Variants in PCDHA10 observed in about 807,000 individuals in gnomAD.
The protein encoded by PCDHA10 is protocadherin alpha 10, also known as protocadherin alpha-10.
In PCDHA10, 45 loss-of-function variants were observed where a neutral mutation model predicts 61.2. The observed-to-expected ratio is 0.74, with a 90% CI of 0.58 to 0.94. The LOEUF is 0.94. Ranked by LOEUF, PCDHA10 falls within the 40% of genes least tolerant of loss-of-function variation. PCDHA10 has a pLI of 0.00. For synonymous variants in PCDHA10, 602 were observed against 548.8 expected, an observed-to-expected ratio of 1.10 and a Z score of -1.35; for missense variants, 1,278 against 1,236.2, an observed-to-expected ratio of 1.03 and a Z score of -0.51.
intron 1 of PCDHA10, among the ~76,000 whole-genome samples, chr5:140,941,058 T>C (rs1554213707): frequency 6.6e-6 from 1 of 152,106 alleles, no homozygotes; most frequent in East Asian, 1.9e-4. Context: ...TCCCCAGCAG[T>C]TTTCTGGGCT....
In PCDHA10 at chr5:140,857,821, T is replaced by G. The variant is rs782136833; in HGVS notation, c.1773T>G (p.Ala591=). The change falls in exon 1 of 4, where the codon GCT becomes GCG. Residue 591 remains alanine (A), a synonymous_variant. Transcript: ENST00000307360. The stretch of plus-strand genomic sequence containing the variant: ...CGGTGGTTGCGGGTCACGTGGTGGC[T>G]AAGGTGCGCGCAGTGGACGCTGACT... ...LRSVVAGHVV[A]KVRAVDADSG... 1.3e-5 allele frequency: 21 copies of G among 1,597,530 alleles called. 3 individuals carry two copies. Among genetic ancestry groups the G allele is most frequent in the East Asian group, 2.2e-5 (1 of 44,830 alleles).
At chr5:140,865,724 G>T (rs1334768794) in intron 1 of PCDHA10, 1 of 152,164 alleles carries the variant, frequency 6.6e-6, no homozygotes, top group African/African-American at 2.4e-5. Flanking sequence ...GAGAAGCTGA[G>T]ATGTGTATCT....
intron 1 of PCDHA10, among the ~76,000 whole-genome samples, chr5:140,960,168 T>C (rs569250147): frequency 9.2e-5 from 14 of 152,300 alleles, no homozygotes; most frequent in African/African-American, 3.1e-4. Flanking sequence ...AATACAATTC[T>C]TAAGTTAGGG....
At chr5:140,922,565 C>G (rs1334011438) in intron 1 of PCDHA10, among the ~76,000 whole-genome samples, 1 of 152,150 alleles carries the variant, frequency 6.6e-6, no homozygotes, top group Non-Finnish European at 1.5e-5. Context: ...GTCAGGATGA[C>G]AAGTTGCCCT....
At chr5:140,873,615 A>C (rs1487252868) in intron 1 of PCDHA10, among the ~76,000 whole-genome samples, 3 of 152,280 alleles carry the variant, frequency 2.0e-5, no homozygotes, top group African/African-American at 7.2e-5. Context: ...TTGGCTTAAC[A>C]ATTTGTTTAG....
chr5:140,895,857 G>C (rs1181424868), intron 1 of PCDHA10, among the ~76,000 whole-genome samples: 1 of 152,116 alleles, frequency 6.6e-6, no homozygotes, highest in Admixed American at 6.5e-5. Flanking sequence ...TGTACCCCAG[G>C]CTGGAGTGCA....
At chr5:140,968,909 G>A (rs782304408) in intron 1 of PCDHA10, 7 of 1,614,172 alleles carry the variant, frequency 4.3e-6, no homozygotes, top group Non-Finnish European at 5.1e-6. Context: ...ATTAAGCACA[G>A]TGTCTTTTAT....
chr5:140,941,214 C>CTTTCTTTCTTT (rs1554214039), intron 1 of PCDHA10, among the ~76,000 whole-genome samples: 7,707 of 122,054 alleles, frequency 0.063, 376 homozygotes, highest in South Asian at 0.093. Context: ...TTTCTTTCTT[C>CTTTCTTTCTTT]CTTTCTTTCT....
rs575381539 is a variant in PCDHA10, at chr5:140,952,919, T to TGAGCAG, written c.2389-26018_2389-26013dup. On this transcript the variant is annotated intron_variant, in intron 1 of 3. Coordinates refer to ENST00000307360, the MANE Select transcript of PCDHA10 (RefSeq NM_018901.4). ...GGAATCAAGCTCATCTTACATGGCA[T>TGAGCAG]GAGCAGGAGCAGGAGCAAGAGAGAG... 2.3e-3 allele frequency among the ~76,000 whole-genome samples: 343 copies of TGAGCAG among 152,172 alleles called. 1 individual carries two copies. Among genetic ancestry groups the TGAGCAG allele is most frequent in the African/African-American group, 7.9e-3 (326 of 41,516 alleles).
intron 3 of PCDHA10, among the ~76,000 whole-genome samples, chr5:140,983,005 A>G (rs1468544114): frequency 2.0e-5 from 3 of 152,110 alleles, no homozygotes; most frequent in African/African-American, 4.8e-5. Flanking sequence ...AAAGAAAGAA[A>G]AAGGAAGGAA....
chr5:140,979,292 C>T (rs1449910823), intron 2 of PCDHA10, among the ~76,000 whole-genome samples: 1 of 151,814 alleles, frequency 6.6e-6, no homozygotes, highest in African/African-American at 2.4e-5. Flanking sequence ...GTAATTTCAA[C>T]CTCCTTCATC....
In PCDHA10 at chr5:140,883,707, A is replaced by G. The variant is rs565073045; in HGVS notation, c.2388+25271A>G. 6 of 1,613,636 alleles carry G rather than the reference A, an allele frequency of 3.7e-6. No individual in the cohort carries two copies. Among genetic ancestry groups the G allele is most frequent in the East Asian group, 4.5e-5 (2 of 44,860 alleles). On this transcript the variant is annotated intron_variant, in intron 1 of 3. Transcript: ENST00000307360. ...TGCCACATCTTCACGGTGTCTGCTC[A>G]GGACGCGGACGCACAGGAGAACGCG...
In PCDHA10 at chr5:141,003,240, CAA is replaced by C. The variant is rs1287973511; in HGVS notation, c.2537-6383_2537-6382del. ...GAAAGAGGAAAGCTGGAAATTTTGC[CAA>C]AAAGATTCCTGGGCAGTGCCTAAGG... On this transcript the variant is annotated intron_variant, in intron 3 of 3. Transcript: ENST00000307360. Among the ~76,000 whole-genome samples the C allele has an allele frequency of 2.6e-5, 4 of 152,150 alleles. No individual in the cohort carries two copies. In the East Asian group the frequency reaches 7.7e-4, roughly 29 times the overall value.
chr5:140,949,798 A>G (rs1021470816), intron 1 of PCDHA10, among the ~76,000 whole-genome samples: 1 of 151,786 alleles, frequency 6.6e-6, no homozygotes, highest in South Asian at 2.1e-4. Context: ...GTGTCCTTCA[A>G]TACATTATTT....
chr5:140,949,892 C>G (rs2094430270), intron 1 of PCDHA10, among the ~76,000 whole-genome samples: 1 of 151,674 alleles, frequency 6.6e-6, no homozygotes, highest in African/African-American at 2.4e-5. Context: ...TCCTCAGAAT[C>G]TCTTTTAATT....
intron 3 of PCDHA10, among the ~76,000 whole-genome samples, chr5:140,984,822 AC>A (rs1398539032): frequency 6.6e-6 from 1 of 152,126 alleles, no homozygotes; most frequent in Non-Finnish European, 1.5e-5. Flanking sequence ...TTTCTTAATT[AC>A]CCTTTCTGTA....
At chr5:141,001,032 TTTAA>T (rs1332637304) in intron 3 of PCDHA10, among the ~76,000 whole-genome samples, 3 of 152,348 alleles carry the variant, frequency 2.0e-5, no homozygotes, top group Middle Eastern at 3.4e-3. Flanking sequence ...TAATAATAGC[TTTAA>T]TTAATTGTAA....
intron 1 of PCDHA10, among the ~76,000 whole-genome samples, chr5:140,919,272 T>C (rs1287919874): frequency 6.6e-6 from 1 of 152,258 alleles, no homozygotes; most frequent in Non-Finnish European, 1.5e-5. Context: ...GTGTAGTCAC[T>C]CCAGCTATCT....
chr5:140,884,731 C>T (rs2060333216), intron 1 of PCDHA10: 2 of 1,449,296 alleles, frequency 1.4e-6, no homozygotes, highest in East Asian at 4.9e-5. Flanking sequence ...TTGTTTAAGA[C>T]ATCTTTCCTG....
Sources: gnomAD v4.1 joint callset for allele counts (sites outside exome capture counted in the v4.1 genomes callset) on GRCh38, gnomAD v4.1.1 for gene constraint, MANE v1.5 for transcripts, NCBI Gene and HGNC (gene_info 2026-07-23, HGNC 2026-07-21) for gene names.